SCG5: variants seen among roughly 807,000 people sequenced by gnomAD.
The protein encoded by SCG5 is secretogranin V, also known as neuroendocrine protein 7B2.
In SCG5, 18 loss-of-function variants were observed where a neutral mutation model predicts 25.7. That is an observed-to-expected ratio of 0.70 (90% CI 0.48 to 1.04). SCG5 has a LOEUF of 1.04. Ranked by LOEUF, SCG5 falls within the 50% of genes least tolerant of loss-of-function variation. The probability of loss-of-function intolerance (pLI) is 0.00; values close to 1 mark genes in which losing one functional copy is unlikely to be tolerated. For synonymous variants in SCG5, 101 were observed against 91.7 expected (o/e 1.10, Z -0.58); for missense variants, 206 against 259.8 (o/e 0.79, Z 1.42).
intron 2 of SCG5, among the ~76,000 whole-genome samples, chr15:32,652,202 G>A (rs1003932059): frequency 6.6e-6 from 1 of 152,158 alleles, no homozygotes; most frequent in Admixed American, 6.5e-5. Flanking sequence ...GTTCACTGGG[G>A]GTAGCAACAC....
Position 32,657,209 on chromosome 15 carries a change from A to ATATG in SCG5, c.226+13399_226+13402dup, listed in dbSNP as rs1555433849. 9.5e-4 allele frequency among the ~76,000 whole-genome samples: 37 copies of ATATG among 38,744 alleles called. 12 individuals are homozygous for ATATG. The highest frequency in any genetic ancestry group is 3.0e-3 in the Admixed American group (8 of 2,658). 25.4% of individuals were successfully genotyped at this position (38,744 alleles called of 152,430 possible). On this transcript the variant is annotated intron_variant, in intron 2 of 5. Transcript: ENST00000300175. Reference sequence around the variant, plus strand: ...TTCTTTCATCCTCCTGTATATATATATATGTATGTATTTCCAGGTGTAAGT... The same window carrying ATATG: ...TTCTTTCATCCTCCTGTATATATATATATGTATGTATGTATTTCCAGGTGTAAGT...
chr15:32,649,040 G>A (rs2053994640), intron 2 of SCG5, among the ~76,000 whole-genome samples: 1 of 152,176 alleles, frequency 6.6e-6, no homozygotes, highest in Non-Finnish European at 1.5e-5. Context: ...ACAGGCGTGA[G>A]CCGCCATGTC....
rs564969171 is a variant in SCG5, at chr15:32,675,622, G to A, written c.227-4144G>A. ...GAACTATGTCTTTCACATTTATGTC[G>A]TCTATAGCACCTAACGTAATTATTG... On this transcript the variant is annotated intron_variant, in intron 2 of 5. Coordinates refer to ENST00000300175, the MANE Select transcript of SCG5 (RefSeq NM_001144757.3). Among the ~76,000 whole-genome samples, 16 of 152,268 alleles carry A rather than the reference G, an allele frequency of 1.1e-4. No homozygotes were observed. In the East Asian group the frequency reaches 2.5e-3, roughly 24 times the overall value.
chr15:32,648,793 A>C (rs1460292563), intron 2 of SCG5, among the ~76,000 whole-genome samples: 1 of 147,582 alleles, frequency 6.8e-6, no homozygotes, highest in Non-Finnish European at 1.5e-5. Flanking sequence ...TAAAAAAAAA[A>C]CAGAGTCTCA....
Position 32,696,654 on chromosome 15 carries a change from G to C in SCG5, c.*45G>C, listed in dbSNP as rs2054973517. On this transcript the variant is annotated 3_prime_UTR_variant, in exon 6 of 6. Coordinates refer to ENST00000300175, the MANE Select transcript of SCG5 (RefSeq NM_001144757.3). ...AACCCACATTACCTGTTAGGCCTCA[G>C]CATGGCTTATGTGCACGTGTAAATG... 1 of 1,243,174 alleles carries C rather than the reference G, an allele frequency of 8.0e-7. No homozygotes were observed. Among genetic ancestry groups the C allele is most frequent in the Non-Finnish European group, 1.2e-6 (1 of 851,718 alleles). The allele number at this position is 1,243,174 out of a possible 1,614,324, so 77.0% of individuals were successfully genotyped here.
At position 32,659,155 on chromosome 15, in the gene SCG5, G is replaced by A. The variant is rs191944446; in HGVS notation, c.226+15337G>A. On this transcript the variant is annotated intron_variant, in intron 2 of 5. Coordinates refer to ENST00000300175, the MANE Select transcript of SCG5 (RefSeq NM_001144757.3). Reference sequence around the variant, plus strand: ...GGCGCCACTGCACTCCAGCCTGGGCGACAGAGCGAGACTCTGTCTCAAAAA... The same window carrying A: ...GGCGCCACTGCACTCCAGCCTGGGCAACAGAGCGAGACTCTGTCTCAAAAA... 2.6e-4 allele frequency among the ~76,000 whole-genome samples: 40 copies of A among 151,758 alleles called. No individual in the cohort carries two copies. The East Asian group carries it at 3.1e-3, about 12-fold the overall frequency.
At chr15:32,695,441 C>T (rs114765824) in intron 5 of SCG5, among the ~76,000 whole-genome samples, 179 of 151,994 alleles carry the variant, frequency 1.2e-3, no homozygotes, top group African/African-American at 3.8e-3. Flanking sequence ...ATTACTAGTT[C>T]GAATCCACAC....
In SCG5 at chr15:32,643,611, T is replaced by A. The variant is rs1273467494; in HGVS notation, c.19T>A (p.Ser7Thr). The A allele has an allele frequency of 6.2e-7, 1 of 1,613,974 alleles. No homozygotes were observed. Among genetic ancestry groups the A allele is most frequent in the East Asian group, 2.2e-5 (1 of 44,884 alleles). MVSRMV[S>T]TMLSGLLFWL... ...GTTGACAATGGTCTCCAGGATGGTC[T>A]CTACCATGCTATCTGGCCTACTGTT... Residue 7 changes from serine to threonine, a missense_variant, in exon 2 of 6, where the codon TCT becomes ACT. By Grantham distance (58) the Ser-to-Thr change is moderately conservative (BLOSUM62 1). Transcript: ENST00000300175.
At chr15:32,689,610 A>G (rs2054804702) in intron 4 of SCG5, among the ~76,000 whole-genome samples, 1 of 152,210 alleles carries the variant, frequency 6.6e-6, no homozygotes, top group Non-Finnish European at 1.5e-5. Flanking sequence ...TCAACAAGGA[A>G]TGGGCGTGAG....
At chr15:32,682,805 C>T (rs2054643543) in intron 3 of SCG5, among the ~76,000 whole-genome samples, 1 of 152,218 alleles carries the variant, frequency 6.6e-6, no homozygotes, top group Admixed American at 6.5e-5. Context: ...TTTCTCCTTT[C>T]ATGCCATGCT....
At chr15:32,643,550 T>G in intron 1 of SCG5, 36 bp from the exon 2 acceptor site, 2 of 1,489,812 alleles carry the variant, frequency 1.3e-6, no homozygotes, top group Non-Finnish European at 1.9e-6. Context: ...TTGCCGATTG[T>G]AGCCTATCAG....
chr15:32,643,894 C>A, intron 2 of SCG5, 76 bp downstream of exon 2: 1 of 1,269,592 alleles, frequency 7.9e-7, no homozygotes, highest in Non-Finnish European at 1.1e-6. Context: ...CTCACAACAA[C>A]CTTATAAGTA....
chr15:32,684,162 G>A (rs1468682940), intron 3 of SCG5, among the ~76,000 whole-genome samples: 1 of 152,160 alleles, frequency 6.6e-6, no homozygotes, highest in African/African-American at 2.4e-5. Context: ...AGTGGAGCAT[G>A]GTATGAGAGG....
chr15:32,678,345 A>C (rs2054563974), intron 2 of SCG5, among the ~76,000 whole-genome samples: 1 of 152,246 alleles, frequency 6.6e-6, no homozygotes, highest in Non-Finnish European at 1.5e-5. Flanking sequence ...TAAAATGTTC[A>C]TACAAATTGA....
At chr15:32,675,191 GCAT>G (rs2054509767) in intron 2 of SCG5, among the ~76,000 whole-genome samples, 1 of 152,152 alleles carries the variant, frequency 6.6e-6, no homozygotes, top group Non-Finnish European at 1.5e-5. Context: ...CATAAATAAA[GCAT>G]CATCACAGGA....
In SCG5 at chr15:32,678,352, T is replaced by G. The variant is rs528835872; in HGVS notation, c.227-1414T>G. Among the ~76,000 whole-genome samples, 8 of 152,222 alleles carry G rather than the reference T, an allele frequency of 5.3e-5. No individual in the cohort carries two copies. In the East Asian group the frequency reaches 1.5e-3, roughly 29 times the overall value. On this transcript the variant is annotated intron_variant, in intron 2 of 5. Transcript: ENST00000300175. ...TTATTATGTAAAATGTTCATACAAA[T>G]TGATAAGAAAAACACTGAAATTCCA...
At chr15:32,695,905 C>G (rs1381326045) in intron 5 of SCG5, among the ~76,000 whole-genome samples, 2 of 151,896 alleles carry the variant, frequency 1.3e-5, no homozygotes, top group Admixed American at 6.6e-5. Context: ...TTCTTTGCAC[C>G]AAAAATAATA....
chr15:32,662,907 G>A (rs2054244854), intron 2 of SCG5, among the ~76,000 whole-genome samples: 1 of 151,460 alleles, frequency 6.6e-6, no homozygotes. Flanking sequence ...GGTGATTGGA[G>A]TGCCATTCAT....
At chr15:32,659,246 G>A (rs767649502) in intron 2 of SCG5, among the ~76,000 whole-genome samples, 1 of 152,160 alleles carries the variant, frequency 6.6e-6, no homozygotes, top group Non-Finnish European at 1.5e-5. Context: ...CCCTGCACTC[G>A]CACTGCACAG....
Sources: gnomAD v4.1 joint callset for allele counts (sites outside exome capture counted in the v4.1 genomes callset) on GRCh38, gnomAD v4.1.1 for gene constraint, MANE v1.5 for transcripts, NCBI Gene and HGNC (gene_info 2026-07-23, HGNC 2026-07-21) for gene names.